DLG2: variants seen among roughly 807,000 people sequenced by gnomAD.
DLG2 encodes the protein discs large MAGUK scaffold protein 2.
A neutral mutation model predicts 132.5 loss-of-function variants in DLG2; 45 were observed. That is an observed-to-expected ratio of 0.34 (90% CI 0.27 to 0.44). The LOEUF (loss-of-function observed/expected upper bound fraction) is 0.44. Ranked by LOEUF, DLG2 falls within the 20% of genes least tolerant of loss-of-function variation. DLG2 has a pLI of 1.00. For missense variants in DLG2, 1,045 were observed against 1,196.9 expected (o/e 0.87, Z 1.87); for synonymous variants, 424 against 419.6 (o/e 1.01, Z -0.13).
At chr11:83,865,369 G>C (rs932798960) in intron 16 of DLG2, among the ~76,000 whole-genome samples, 12 of 151,780 alleles carry the variant, frequency 7.9e-5, no homozygotes, top group Non-Finnish European at 1.6e-4. Context: ...GCTGCTATTA[G>C]GATCAAATGG....
chr11:85,104,700 A>G (rs905656310), intron 6 of DLG2, among the ~76,000 whole-genome samples: 5 of 151,738 alleles, frequency 3.3e-5, no homozygotes, highest in Admixed American at 6.6e-5. Flanking sequence ...TAAATGGGTG[A>G]ATTGTATGGT....
At chr11:84,655,829 A>G (rs1225541561) in intron 6 of DLG2, among the ~76,000 whole-genome samples, 5 of 151,724 alleles carry the variant, frequency 3.3e-5, no homozygotes. Context: ...GTTACTCTTA[A>G]TTTCTATCAG....
chr11:85,386,683 A>C (rs1423529726), intron 3 of DLG2, among the ~76,000 whole-genome samples: 1 of 152,002 alleles, frequency 6.6e-6, no homozygotes, highest in Non-Finnish European at 1.5e-5. Flanking sequence ...TCATTAAATA[A>C]CTATGGTATA....
At chr11:83,696,335 T>A (rs1183781241) in intron 18 of DLG2, among the ~76,000 whole-genome samples, 2 of 152,184 alleles carry the variant, frequency 1.3e-5, no homozygotes, top group Non-Finnish European at 2.9e-5. Context: ...TTAGATAAGC[T>A]CTTCCTTTTC....
intron 7 of DLG2, among the ~76,000 whole-genome samples, chr11:84,263,824 G>A (rs2097577362): frequency 6.6e-6 from 1 of 152,172 alleles, no homozygotes; most frequent in South Asian, 2.1e-4. Flanking sequence ...AGGCAAAGAT[G>A]AAGTATGAGT....
At chr11:84,251,199 A>G (rs1033901629) in intron 8 of DLG2, 39 bp downstream of exon 8, 9 of 1,327,114 alleles carry the variant, frequency 6.8e-6, no homozygotes, top group Non-Finnish European at 8.3e-6. Context: ...AAGTTCTACC[A>G]CAGTTTTAAA....
chr11:83,608,751 A>AAGAG (rs35660113), intron 19 of DLG2, among the ~76,000 whole-genome samples: 156 of 151,290 alleles, frequency 1.0e-3, no homozygotes, highest in African/African-American at 3.7e-3. Flanking sequence ...GAGAGAGAGA[A>AAGAG]AGAGAGAGAG....
intron 6 of DLG2, among the ~76,000 whole-genome samples, chr11:84,655,151 G>A (rs1012888999): frequency 1.3e-5 from 2 of 152,256 alleles, no homozygotes; most frequent in East Asian, 1.9e-4. Flanking sequence ...GATCTGCCCT[G>A]TGTATTGTAC....
intron 7 of DLG2, among the ~76,000 whole-genome samples, chr11:84,518,038 T>G (rs2099279055): frequency 6.6e-6 from 1 of 151,776 alleles, no homozygotes; most frequent in Admixed American, 6.6e-5. Flanking sequence ...TGTCAAAGGA[T>G]ACAAAATTTT....
intron 9 of DLG2, among the ~76,000 whole-genome samples, chr11:84,155,714 C>T (rs992021331): frequency 2.6e-5 from 4 of 152,032 alleles, no homozygotes; most frequent in African/African-American, 9.7e-5. Context: ...GATTAAAATT[C>T]ACACATATTA....
chr11:84,720,553 G>C, intron 6 of DLG2: 1 of 910,932 alleles, frequency 1.1e-6, no homozygotes, highest in Non-Finnish European at 1.3e-6. Context: ...CAACGCCGCG[G>C]GCAAGTACCG....
At chr11:84,193,918 A>G (rs958086718) in intron 8 of DLG2, among the ~76,000 whole-genome samples, 2 of 152,184 alleles carry the variant, frequency 1.3e-5, no homozygotes, top group African/African-American at 4.8e-5. Context: ...ATCCTACATT[A>G]CCACAGAATC....
intron 7 of DLG2, among the ~76,000 whole-genome samples, chr11:84,423,572 T>C (rs762712409): frequency 1.2e-4 from 19 of 152,182 alleles, no homozygotes; most frequent in Non-Finnish European, 2.5e-4. Flanking sequence ...GCTCCTTTAT[T>C]GTTGTCTTCC....
At chr11:85,006,879 T>A (rs1009708666) in intron 6 of DLG2, among the ~76,000 whole-genome samples, 1 of 152,126 alleles carries the variant, frequency 6.6e-6, no homozygotes, top group Admixed American at 6.5e-5. Flanking sequence ...TGCTACAAAT[T>A]TCCCTCTAAA....
chr11:84,324,840 A>G (rs1199246517), intron 7 of DLG2, among the ~76,000 whole-genome samples: 10 of 152,154 alleles, frequency 6.6e-5, no homozygotes. Context: ...AGTGTATAGA[A>G]ACACAACTAA....
Position 85,160,111 on chromosome 11 carries a change from C to T in DLG2, c.187-5460G>A, listed in dbSNP as rs369799034. Among the ~76,000 whole-genome samples the T allele has an allele frequency of 7.9e-4, 121 of 152,316 alleles. 1 individual carries two copies. The highest frequency in any genetic ancestry group is 2.7e-3 in the African/African-American group (111 of 41,568). ...AAAAATAAGTTGCTGAATTTGGCCC[C>T]TCCTACAACCAAGAAGGAGGCACAA... is the stretch of plus-strand genomic sequence containing the variant. On this transcript the variant is annotated intron_variant, in intron 4 of 27. Transcript: ENST00000376104.
Position 85,583,122 on chromosome 11 carries a change from GTGTGTGTGTATATATATATA to G in DLG2, c.40+15515_40+15534del, listed in dbSNP as rs1176788647. ...TGTGTGTGTGTGTGTGTGTGTGTGT[GTGTGTGTGTATATATATATA>G]TATATATATATATATATATATATAT... On this transcript the variant is annotated intron_variant, in intron 3 of 27. Transcript: ENST00000376104. Among the ~76,000 whole-genome samples the G allele has an allele frequency of 7.2e-3, 356 of 49,142 alleles. 4 individuals carry two copies. The highest frequency in any genetic ancestry group is 0.021 in the East Asian group (23 of 1,116). 32.2% of individuals were successfully genotyped at this position (49,142 alleles called of 152,430 possible). A position where few individuals can be genotyped will look rare whatever the true frequency, so the allele number is the denominator to read the frequency against.
intron 6 of DLG2, among the ~76,000 whole-genome samples, chr11:84,998,530 T>G (rs995782490): frequency 6.6e-6 from 1 of 152,114 alleles, no homozygotes; most frequent in Non-Finnish European, 1.5e-5. Flanking sequence ...TACACATATA[T>G]AATTTTTATC....
At chr11:85,082,641 AG>A (rs1223840718) in intron 6 of DLG2, among the ~76,000 whole-genome samples, 1 of 152,014 alleles carries the variant, frequency 6.6e-6, no homozygotes, top group Non-Finnish European at 1.5e-5. Flanking sequence ...AAAGGGAAGG[AG>A]GAAAAAAGTG....
Sources: allele counts gnomAD v4.1 joint callset (sites outside exome capture counted in the v4.1 genomes callset), GRCh38; gene constraint gnomAD v4.1.1; transcripts MANE v1.5; gene names NCBI Gene and HGNC (gene_info 2026-07-23, HGNC 2026-07-21).